Variants in LIN7C observed in about 807,000 individuals in gnomAD.
The protein encoded by LIN7C is protein lin-7 homolog C.
In LIN7C, 17 loss-of-function variants were observed where a neutral mutation model predicts 24.7. The ratio of observed to expected loss-of-function variants is 0.69; its 90% confidence interval spans 0.47 to 1.03. LIN7C has a LOEUF of 1.03. LIN7C is among the 50% of genes least tolerant of loss of function. The pLI, the probability that LIN7C is intolerant of heterozygous loss-of-function variation, is 0.00. For synonymous variants in LIN7C, 90 were observed against 83.4 expected, an observed-to-expected ratio of 1.08 and a Z score of -0.43; for missense variants, 204 against 239.0, an observed-to-expected ratio of 0.85 and a Z score of 0.97.
rs1865175214 is a variant in LIN7C at position 27,496,811 on chromosome 11, C to T, written c.*1838G>A. ...TACTTAAAAGCTACTGCAGCTGTAG[C>T]TATACTAAAATAAGATTTCTTCAGG... On this transcript the variant is annotated 3_prime_UTR_variant, in exon 5 of 5. Transcript: ENST00000278193. The T allele has an allele frequency of 6.6e-6, 1 of 152,146 alleles. No individual in the cohort carries two copies. Among genetic ancestry groups the T allele is most frequent in the Non-Finnish European group, 1.5e-5 (1 of 67,998 alleles). 9.4% of individuals were successfully genotyped at this position (152,146 alleles called of 1,614,324 possible). A position where few individuals can be genotyped will look rare whatever the true frequency, so the allele number is the denominator to read the frequency against.
chr11:27,500,947 C>T (rs966392884), intron 3 of LIN7C, among the ~76,000 whole-genome samples: 3 of 152,132 alleles, frequency 2.0e-5, no homozygotes, highest in African/African-American at 4.8e-5. Flanking sequence ...GCTGATATTA[C>T]CCTGTTCAAA....
In LIN7C at chr11:27,499,406, G is replaced by T. The variant is rs1246124454; in HGVS notation, c.391C>A (p.His131Asn). 1 of 1,613,892 alleles carries T rather than the reference G, an allele frequency of 6.2e-7. No homozygotes were observed. Among genetic ancestry groups the T allele is most frequent in the Admixed American group, 1.7e-5 (1 of 59,984 alleles). ...TGATCTCCACGTTTGAGGCCCCCAT[G>T]TCTATCAGCAATTCCACCTGGAATT... ...RIIPGGIADR[H>N]GGLKRGDQLL... is the part of the protein sequence containing the mutation. The change falls in exon 4 of 5, where the codon CAT becomes AAT. Residue 131 changes from histidine to asparagine, a missense_variant. Physicochemically the swap from His to Asn is moderately conservative, Grantham distance 68. Transcript: ENST00000278193.
chr11:27,499,559 C>A lies in LIN7C; in HGVS notation c.238G>T (p.Ala80Ser), dbSNP rs752832842. ...RANATAKATVAAFAASEGHSH... is the reference protein window; with the variant it reads ...RANATAKATVSAFAASEGHSH... ...TGTCCTTCACTGGCAGCAAATGCAG[C>A]AACAGTAGCCTGAAAGAAAGTTTTA... The change falls in exon 4 of 5, where the codon GCT (alanine) becomes TCT (serine). Residue 80 changes from alanine to serine, a missense_variant. This residue lies in a region of LIN7C where 126 missense variants were observed against 117.8 expected (regional missense o/e 1.07). Transcript: ENST00000278193. 1 of 1,613,554 alleles carries A rather than the reference C, an allele frequency of 6.2e-7. No homozygotes were observed. The highest frequency in any genetic ancestry group is 1.1e-5 in the South Asian group (1 of 90,974).
chr11:27,504,950 CAGAAA>C (rs148983520), intron 1 of LIN7C, among the ~76,000 whole-genome samples: 2,511 of 152,204 alleles, frequency 0.016, 28 homozygotes, highest in Non-Finnish European at 0.025. Flanking sequence ...TACTGAAGAA[CAGAAA>C]AGAAATCTGT....
Position 27,498,820 on chromosome 11 carries a change from AC to A in LIN7C, c.439-17del. ...CTTCAACACTCTAGGGGAAAAAAAA[AC>A]AACCAACCATACACTAATATCTAAG... On this transcript the variant is annotated splice_polypyrimidine_tract_variant and intron_variant, in intron 4 of 4. Transcript: ENST00000278193. 1 of 1,606,876 alleles carries A rather than the reference AC, an allele frequency of 6.2e-7. No homozygotes were observed. Among genetic ancestry groups the A allele is most frequent in the Non-Finnish European group, 8.5e-7 (1 of 1,177,326 alleles).
intron 1 of LIN7C, among the ~76,000 whole-genome samples, chr11:27,504,643 C>G (rs1865255596): frequency 6.6e-6 from 1 of 152,156 alleles, no homozygotes; most frequent in Non-Finnish European, 1.5e-5. Flanking sequence ...CCACAGATAT[C>G]AAGATCTGCA....
In LIN7C at chr11:27,499,339, G is replaced by C; in HGVS notation, c.438+20C>G. ...TGGTCACAACAGATCACTACAAATA[G>C]AAATAAAATTCATCCTTACCACTCC... is the stretch of plus-strand genomic sequence containing the variant. On this transcript the variant is annotated intron_variant, in intron 4 of 4. Coordinates refer to ENST00000278193, the MANE Select transcript of LIN7C (RefSeq NM_018362.4). 2.5e-6 allele frequency: 4 copies of C among 1,603,644 alleles called. No individual in the cohort carries two copies. Among genetic ancestry groups the C allele is most frequent in the Non-Finnish European group, 2.6e-6 (3 of 1,170,798 alleles).
intron 1 of LIN7C, 83 bp from the exon 2 acceptor site, chr11:27,502,003 C>G: frequency 1.3e-6 from 1 of 796,470 alleles, no homozygotes. Flanking sequence ...AGGATTCATT[C>G]CTCAAGGGCA....
intron 1 of LIN7C, among the ~76,000 whole-genome samples, chr11:27,506,071 G>C (rs1315881243): frequency 6.6e-6 from 1 of 152,180 alleles, no homozygotes; most frequent in Non-Finnish European, 1.5e-5. Flanking sequence ...TGCAATTGTA[G>C]GGTTTGTAAG....
At position 27,499,438 on chromosome 11, in the gene LIN7C, G is replaced by T. The variant is rs1410424708; in HGVS notation, c.359C>A (p.Ser120Tyr). ...GKEQNSPIYISRIIPGGIADR... is the reference protein window; with the variant it reads ...GKEQNSPIYIYRIIPGGIADR... ...AGCAATTCCACCTGGAATTATTCGG[G>T]ATATATAGATTGGAGAGTTTTGTTC... is the stretch of plus-strand genomic sequence containing the variant. The change falls in exon 4 of 5, where the codon TCC becomes TAC. Residue 120 changes from serine to tyrosine, a missense_variant. Physicochemically the swap from Ser to Tyr is moderately radical, Grantham distance 144. This residue lies in a region of LIN7C where 74 missense variants were observed against 99.6 expected (regional missense o/e 0.74). Transcript: ENST00000278193. The T allele has an allele frequency of 6.2e-7, 1 of 1,614,146 alleles. No homozygotes were observed.
intron 1 of LIN7C, among the ~76,000 whole-genome samples, chr11:27,505,729 T>C (rs1421673822): frequency 5.9e-5 from 9 of 152,246 alleles, no homozygotes; most frequent in Non-Finnish European, 1.3e-4. Context: ...ATTGCAAATG[T>C]TAATATGTGC....
chr11:27,501,685 G>A, intron 2 of LIN7C, 117 bp downstream of exon 2: 1 of 896,738 alleles, frequency 1.1e-6, no homozygotes. Context: ...CCAAAAATGA[G>A]AGGGACTGGT....
chr11:27,494,651 T>C lies in LIN7C; in HGVS notation c.*3998A>G, dbSNP rs978022628. 3.3e-5 allele frequency: 5 copies of C among 152,142 alleles called. No homozygotes were observed. The highest frequency in any genetic ancestry group is 1.2e-4 in the African/African-American group (5 of 41,448). The allele number at this position is 152,142 out of a possible 1,614,324, so 9.4% of individuals were successfully genotyped here. On this transcript the variant is annotated 3_prime_UTR_variant, in exon 5 of 5. Transcript: ENST00000278193. ...ATAAATGAAGTAATCTATTGAAAAA[T>C]GTTATTTTACATCCATTCTGGGTAT...
chr11:27,503,588 A>G (rs1020182077), intron 1 of LIN7C, among the ~76,000 whole-genome samples: 1 of 152,122 alleles, frequency 6.6e-6, no homozygotes, highest in African/African-American at 2.4e-5. Context: ...ATCTCCACTC[A>G]CTGCAACCTC....
At chr11:27,504,759 C>T (rs1865256693) in intron 1 of LIN7C, among the ~76,000 whole-genome samples, 1 of 152,092 alleles carries the variant, frequency 6.6e-6, no homozygotes, top group African/African-American at 2.4e-5. Flanking sequence ...ATATCTGACG[C>T]TACGTAAACA....
chr11:27,495,605 A>G lies in LIN7C; in HGVS notation c.*3044T>C, dbSNP rs754539144. The G allele has an allele frequency of 6.6e-6, 1 of 152,074 alleles. No homozygotes were observed. Among genetic ancestry groups the G allele is most frequent in the African/African-American group, 2.4e-5 (1 of 41,398 alleles). The allele number at this position is 152,074 out of a possible 1,614,324, so 9.4% of individuals were successfully genotyped here. On this transcript the variant is annotated 3_prime_UTR_variant, in exon 5 of 5. Coordinates refer to ENST00000278193, the MANE Select transcript of LIN7C (RefSeq NM_018362.4). ...AGACAGTACATAATTATTAACGACA[A>G]TATTTCTCATCTGCAATTTTTAAAC...
Position 27,499,358 on chromosome 11 carries a change from C to G in LIN7C, c.438+1G>C, listed in dbSNP as rs1243705189. The G allele has an allele frequency of 1.2e-6, 2 of 1,612,422 alleles. No individual in the cohort carries two copies. The highest frequency in any genetic ancestry group is 1.7e-6 in the Non-Finnish European group (2 of 1,178,586). On this transcript the variant is annotated splice_donor_variant, in intron 4 of 4. Coordinates refer to ENST00000278193, the MANE Select transcript of LIN7C (RefSeq NM_018362.4). LOFTEE classifies it high-confidence loss of function. ...CAAATAGAAATAAAATTCATCCTTA[C>G]CACTCCATTAACAGAGAGGAGTTGA...
chr11:27,506,153 C>T (rs555848014), intron 1 of LIN7C, among the ~76,000 whole-genome samples: 72 of 152,318 alleles, frequency 4.7e-4, no homozygotes, highest in Non-Finnish European at 7.1e-4. Context: ...AACCTCCTTC[C>T]CAAGACCAAG....
rs923805839 is a variant in LIN7C, at chr11:27,494,700, G to C, written c.*3949C>G. Reference sequence around the variant, plus strand: ...ATTACCACAAATTTTAAAAGTAGAAGCATAGCATTTGCCAGTTATTTTAAA... The same window carrying C: ...ATTACCACAAATTTTAAAAGTAGAACCATAGCATTTGCCAGTTATTTTAAA... On this transcript the variant is annotated 3_prime_UTR_variant, in exon 5 of 5. Coordinates refer to ENST00000278193, the MANE Select transcript of LIN7C (RefSeq NM_018362.4). 1 of 152,086 alleles carries C rather than the reference G, an allele frequency of 6.6e-6. No individual in the cohort carries two copies. The highest frequency in any genetic ancestry group is 1.5e-5 in the Non-Finnish European group (1 of 67,994). The allele number at this position is 152,086 out of a possible 1,614,324, so 9.4% of individuals were successfully genotyped here.
Sources: allele counts gnomAD v4.1 joint callset (sites outside exome capture counted in the v4.1 genomes callset), GRCh38; gene constraint gnomAD v4.1.1; regional missense constraint gnomAD v4.1.1; transcripts MANE v1.5; gene names NCBI Gene and HGNC (gene_info 2026-07-23, HGNC 2026-07-21).